Variants in FBXO5 observed in about 807,000 individuals in gnomAD.
The protein encoded by FBXO5 is F-box protein 5.
A neutral mutation model predicts 43.3 loss-of-function variants in FBXO5; 8 were observed. The ratio of observed to expected loss-of-function variants is 0.18; its 90% CI spans 0.11 to 0.33. The LOEUF is 0.33. Ranked by LOEUF, FBXO5 falls within the 10% of genes least tolerant of loss-of-function variation. FBXO5 has a pLI of 1.00. For synonymous variants in FBXO5, 204 were observed against 193.7 expected (o/e 1.05, Z -0.44); for missense variants, 491 against 535.7 (o/e 0.92, Z 0.82).
rs773406316 is a variant in FBXO5, at chr6:152,975,052, C to G, written c.673G>C (p.Ala225Pro). ...VDREMLKEII[A>P]RGNFRLQNII... is the part of the protein sequence containing the mutation. ...TTCTGCAGTCTAAAATTTCCTCTGG[C>G]TATAATTTCCTTCAGCATCTCCCGA... is the stretch of plus-strand genomic sequence containing the variant. The change falls in exon 2 of 5, where the codon GCC becomes CCC. Residue 225 changes from alanine to proline, a missense_variant. Ala to Pro is a conservative substitution (Grantham distance 27). Coordinates refer to ENST00000229758, the MANE Select transcript of FBXO5 (RefSeq NM_012177.5). 9 of 1,614,144 alleles carry G rather than the reference C, an allele frequency of 5.6e-6. No individual in the cohort carries two copies. The South Asian group carries it at 9.9e-5, about 18-fold the overall frequency.
chr6:152,975,126 A>G lies in FBXO5; in HGVS notation c.599T>C (p.Val200Ala), dbSNP rs1205407339. 1.2e-6 allele frequency: 2 copies of G among 1,614,210 alleles called. No individual in the cohort carries two copies. The highest frequency in any genetic ancestry group is 1.7e-6 in the Non-Finnish European group (2 of 1,180,030). Residue 200 changes from valine to alanine, a missense_variant, in exon 2 of 5, where the codon GTG becomes GCG. Transcript: ENST00000229758. ...NLLPVLHFEKVVCSTLKKNAK... is the reference protein window; with the variant it reads ...NLLPVLHFEKAVCSTLKKNAK... The stretch of plus-strand genomic sequence containing the variant: ...ATTCTTTTTTAATGTTGAACAAACC[A>G]CTTTTTCAAAATGAAGAACTGGCAG...
At chr6:152,979,114 T>C (rs575193393) in intron 1 of FBXO5, among the ~76,000 whole-genome samples, 1 of 152,242 alleles carries the variant, frequency 6.6e-6, no homozygotes, top group African/African-American at 2.4e-5. Flanking sequence ...GCTTAACTTA[T>C]ATTACTAACA....
chr6:152,978,570 T>C (rs1031227055), intron 1 of FBXO5, among the ~76,000 whole-genome samples: 2 of 151,088 alleles, frequency 1.3e-5, no homozygotes, highest in Non-Finnish European at 3.0e-5. Flanking sequence ...GTGTTTCCCA[T>C]TTTTTTTTGT....
intron 1 of FBXO5, among the ~76,000 whole-genome samples, chr6:152,978,156 A>ATTCATACTGTT (rs1778200209): frequency 6.6e-6 from 1 of 152,144 alleles, no homozygotes; most frequent in African/African-American, 2.4e-5. Context: ...TATAAAAATG[A>ATTCATACTGTT]TAGAAAAGTC....
At chr6:152,983,292 G>T, upstream of FBXO5, 1 of 256,000 alleles carries the variant, frequency 3.9e-6, no homozygotes, top group Non-Finnish European at 7.4e-6. Context: ...AGCACGGGGA[G>T]GCCGCGGCCC....
intron 1 of FBXO5, among the ~76,000 whole-genome samples, chr6:152,978,845 G>A (rs941383400): frequency 6.6e-6 from 1 of 152,042 alleles, no homozygotes; most frequent in Admixed American, 6.5e-5. Flanking sequence ...AAAGAAACTA[G>A]CTGGGCATGG....
intron 1 of FBXO5, among the ~76,000 whole-genome samples, chr6:152,978,179 G>C (rs930467656): frequency 8.6e-5 from 13 of 152,026 alleles, no homozygotes; most frequent in Admixed American, 8.5e-4. Context: ...AATTTATGTT[G>C]CAAGCGCACT....
intron 1 of FBXO5, among the ~76,000 whole-genome samples, chr6:152,976,207 G>C (rs1438709990): frequency 2.0e-5 from 3 of 152,110 alleles, no homozygotes; most frequent in Non-Finnish European, 4.4e-5. Context: ...TAAAAATTTT[G>C]TGTATTATTT....
At chr6:152,979,880 A>C (rs1390270598) in intron 1 of FBXO5, among the ~76,000 whole-genome samples, 2 of 152,200 alleles carry the variant, frequency 1.3e-5, no homozygotes, top group Non-Finnish European at 2.9e-5. Context: ...CCCTAGAATC[A>C]GTCATTTCTC....
intron 1 of FBXO5, among the ~76,000 whole-genome samples, chr6:152,978,878 C>A (rs1051430565): frequency 6.6e-6 from 1 of 151,840 alleles, no homozygotes; most frequent in Admixed American, 6.6e-5. Flanking sequence ...TTGGTACCAA[C>A]TACTAGGGAG....
chr6:152,978,103 G>A (rs1778199477), intron 1 of FBXO5, among the ~76,000 whole-genome samples: 1 of 152,062 alleles, frequency 6.6e-6, no homozygotes, highest in Admixed American at 6.6e-5. Flanking sequence ...TTATAATGAG[G>A]TGCTCTGGAA....
chr6:152,978,157 T>G (rs1778200179), intron 1 of FBXO5, among the ~76,000 whole-genome samples: 1 of 152,116 alleles, frequency 6.6e-6, no homozygotes, highest in Non-Finnish European at 1.5e-5. Flanking sequence ...ATAAAAATGA[T>G]AGAAAAGTCA....
At chr6:152,971,490 C>T (rs1006028833) in intron 4 of FBXO5, 76 bp from the exon 5 acceptor site, 11 of 1,420,016 alleles carry the variant, frequency 7.7e-6, no homozygotes, top group Non-Finnish European at 1.0e-5. Flanking sequence ...ACCAAGGACA[C>T]CCTTGCACCT....
chr6:152,971,881 C>G (rs956482112), intron 4 of FBXO5, among the ~76,000 whole-genome samples: 5 of 152,088 alleles, frequency 3.3e-5, no homozygotes, highest in Non-Finnish European at 5.9e-5. Context: ...GCGGAAAATG[C>G]AAAATGTAGT....
At chr6:152,977,854 G>A (rs1023338297) in intron 1 of FBXO5, among the ~76,000 whole-genome samples, 5 of 152,170 alleles carry the variant, frequency 3.3e-5, no homozygotes, top group African/African-American at 9.7e-5. Context: ...TTACTGGGGG[G>A]TTGTCCTATA....
chr6:152,972,802 T>C (rs1472554340), intron 3 of FBXO5: 2 of 500,186 alleles, frequency 4.0e-6, no homozygotes, highest in East Asian at 3.2e-5. Context: ...AATGGTCGAC[T>C]CTATCTGAGA....
intron 1 of FBXO5, among the ~76,000 whole-genome samples, chr6:152,981,539 G>A (rs1011704769): frequency 2.6e-5 from 4 of 151,968 alleles, no homozygotes; most frequent in Admixed American, 2.6e-4. Flanking sequence ...CTACTTGGAA[G>A]TAACATATAT....
At position 152,975,258 on chromosome 6, in the gene FBXO5, A is replaced by G. The variant is rs1292220016; in HGVS notation, c.467T>C (p.Leu156Pro). The G allele has an allele frequency of 6.2e-7, 1 of 1,614,170 alleles. No individual in the cohort carries two copies. The highest frequency in any genetic ancestry group is 8.5e-7 in the Non-Finnish European group (1 of 1,180,026). The change falls in exon 2 of 5, where the codon CTC becomes CCC. Residue 156 changes from leucine to proline, a missense_variant. Transcript: ENST00000229758. ...GAGGCTACCTTCTTCATGTTCACTG[A>G]GGCCACTTTGTAGAGAAAATGAGGA... is the stretch of plus-strand genomic sequence containing the variant. The part of the protein sequence containing the change: ...GYSSFSLQSG[L>P]SEHEEGSLLE...
chr6:152,971,479 AACCAAGGAC>A, intron 4 of FBXO5, 65 bp from the exon 5 acceptor site: 3 of 1,499,418 alleles, frequency 2.0e-6, no homozygotes, highest in South Asian at 2.7e-5. Context: ...TAGTTAATAA[AACCAAGGAC>A]ACCCTTGCAC....
Sources: allele counts gnomAD v4.1 joint callset (sites outside exome capture counted in the v4.1 genomes callset), GRCh38; gene constraint gnomAD v4.1.1; transcripts MANE v1.5; gene names NCBI Gene and HGNC (gene_info 2026-07-23, HGNC 2026-07-21).